TMEM38A: variants seen among roughly 807,000 people sequenced by gnomAD.
TMEM38A encodes transmembrane protein 38A.
TMEM38A carries 17 observed loss-of-function variants against 28.6 expected under a neutral mutation model. The observed-to-expected ratio is 0.60, with a 90% CI of 0.41 to 0.89. TMEM38A has a LOEUF of 0.89. TMEM38A is among the 40% of genes least tolerant of loss of function. The pLI, the probability that TMEM38A is intolerant of heterozygous loss-of-function variation, is 0.00. For synonymous variants in TMEM38A, 169 were observed against 166.1 expected, an observed-to-expected ratio of 1.02 and a Z score of -0.14; for missense variants, 328 against 393.1, an observed-to-expected ratio of 0.83 and a Z score of 1.40.
At chr19:16,667,547 A>G (rs1300897181) in intron 1 of TMEM38A, among the ~76,000 whole-genome samples, 1 of 152,022 alleles carries the variant, frequency 6.6e-6, no homozygotes, top group Non-Finnish European at 1.5e-5. Flanking sequence ...CACCAGACTC[A>G]CCTAGGGAGA....
intron 5 of TMEM38A, among the ~76,000 whole-genome samples, 157 bp from the exon 6 acceptor site, chr19:16,687,987 G>A (rs551848953): frequency 1.3e-5 from 2 of 152,206 alleles, no homozygotes; most frequent in African/African-American, 4.8e-5. Flanking sequence ...ATCATCCTGG[G>A]GGTGCATGCA....
At position 16,661,257 on chromosome 19, in the gene TMEM38A, C is replaced by A. The variant is rs1346790473; in HGVS notation, c.40C>A (p.Leu14Ile). The change falls in exon 1 of 6, where the codon CTC becomes ATC. Residue 14 changes from leucine to isoleucine, a missense_variant. By Grantham distance (5) the Leu-to-Ile change is conservative (BLOSUM62 2). Transcript: ENST00000187762. The surrounding 1 kb of genome is among the most constrained non-coding windows in gnomAD (Gnocchi z 6.5). ...LSALSLGELA[L>I]SFSRVPLFPV... Reference sequence around the variant, plus strand: ...GGCGCTGAGCCTGGGCGAACTGGCGCTCAGCTTCTCGCGGGTGCCGCTCTT... The same window carrying A: ...GGCGCTGAGCCTGGGCGAACTGGCGATCAGCTTCTCGCGGGTGCCGCTCTT... 1 of 1,595,174 alleles carries A rather than the reference C, an allele frequency of 6.3e-7. No homozygotes were observed. Among genetic ancestry groups the A allele is most frequent in the East Asian group, 2.4e-5 (1 of 42,212 alleles).
intron 1 of TMEM38A, among the ~76,000 whole-genome samples, chr19:16,667,279 GA>G (rs11436221): frequency 1.6e-4 from 23 of 145,660 alleles, no homozygotes; most frequent in East Asian, 2.0e-4. Context: ...TCCATTTCAG[GA>G]AAAAAAAAAA....
At chr19:16,666,763 G>A (rs2086704662) in intron 1 of TMEM38A, among the ~76,000 whole-genome samples, 1 of 152,096 alleles carries the variant, frequency 6.6e-6, no homozygotes, top group African/African-American at 2.4e-5. Context: ...GATCAGCCAG[G>A]CCAACATGGT....
intron 1 of TMEM38A, among the ~76,000 whole-genome samples, chr19:16,665,371 C>A (rs2086698548): frequency 6.6e-6 from 1 of 151,928 alleles, no homozygotes; most frequent in Non-Finnish European, 1.5e-5. Flanking sequence ...TGCCTGTAGT[C>A]CTAGCTACTA....
Position 16,688,335 on chromosome 19 carries a change from G to C in TMEM38A, c.864G>C (p.Glu288Asp). 3 of 1,605,018 alleles carry C rather than the reference G, an allele frequency of 1.9e-6. No homozygotes were observed. The change falls in exon 6 of 6, where the codon GAG (glutamate) becomes GAC (aspartate). Residue 288 changes from glutamate (E) to aspartate (D), a missense_variant. Coordinates refer to ENST00000187762, the MANE Select transcript of TMEM38A (RefSeq NM_024074.4). ...CCAAGTCCAAGGAGGAGTTGAGCGAGGGCTCCAGGAAGAAGAAGGCCAAGA... is the reference window on the plus strand; with the variant it reads ...CCAAGTCCAAGGAGGAGTTGAGCGACGGCTCCAGGAAGAAGAAGGCCAAGA... ...MPAKSKEELSEGSRKKKAKKA... is the reference protein window; with the variant it reads ...MPAKSKEELSDGSRKKKAKKA...
At chr19:16,666,253 A>G (rs756278086) in intron 1 of TMEM38A, among the ~76,000 whole-genome samples, 6 of 152,000 alleles carry the variant, frequency 3.9e-5, no homozygotes, top group Non-Finnish European at 5.9e-5. Flanking sequence ...TGCTGGGATT[A>G]CAGACATCAG....
At chr19:16,680,635 G>A in intron 3 of TMEM38A, 54 bp downstream of exon 3, 1 of 1,578,786 alleles carries the variant, frequency 6.3e-7, no homozygotes. Flanking sequence ...TTTTGGTTCA[G>A]TGGTACTACC....
intron 1 of TMEM38A, among the ~76,000 whole-genome samples, chr19:16,670,123 C>T (rs1251213139): frequency 1.3e-5 from 2 of 151,430 alleles, no homozygotes; most frequent in African/African-American, 4.9e-5. Flanking sequence ...GTGCCTGTCA[C>T]CACGCCCAGC....
chr19:16,686,785 G>A (rs1326078855), intron 5 of TMEM38A, among the ~76,000 whole-genome samples: 1 of 152,138 alleles, frequency 6.6e-6, no homozygotes, highest in Non-Finnish European at 1.5e-5. Context: ...CCCCACCCAG[G>A]AGGGGTCTTC....
chr19:16,672,594 G>A (rs1432055808), intron 1 of TMEM38A, among the ~76,000 whole-genome samples: 2 of 150,724 alleles, frequency 1.3e-5, no homozygotes, highest in Non-Finnish European at 2.9e-5. Context: ...GATTACAGGC[G>A]CATGCCACCA....
At chr19:16,669,610 G>A (rs2086717904) in intron 1 of TMEM38A, among the ~76,000 whole-genome samples, 1 of 152,146 alleles carries the variant, frequency 6.6e-6, no homozygotes, top group Non-Finnish European at 1.5e-5. Flanking sequence ...AGGGCAGGAG[G>A]CTGTTGACTC....
At position 16,670,530 on chromosome 19, in the gene TMEM38A, C is replaced by T. The variant is rs545583606; in HGVS notation, c.124+9189C>T. Among the ~76,000 whole-genome samples, 125 of 152,286 alleles carry T rather than the reference C, an allele frequency of 8.2e-4. 1 individual carries two copies. The highest frequency in any genetic ancestry group is 7.3e-3 in the South Asian group (35 of 4,826). On this transcript the variant is annotated intron_variant, in intron 1 of 5. Coordinates refer to ENST00000187762, the MANE Select transcript of TMEM38A (RefSeq NM_024074.4). ...CGCACTGTTCCAGAAATACCTCTTG[C>T]GTCGTTGCTAGGCGCTAAGCAATCT...
rs202087879 is a variant in TMEM38A, at chr19:16,680,015, C to T, written c.156C>T (p.Ile52=). 1.4e-4 allele frequency: 219 copies of T among 1,609,470 alleles called. No homozygotes were observed. Among genetic ancestry groups the T allele is most frequent in the Non-Finnish European group, 1.8e-4 (208 of 1,179,928 alleles). ...TCGAACTGTCCCGGCGCCACCCCATCGCGTCCTGGCTGTGCGCCATGCTGC... is the reference window on the plus strand; with the variant it reads ...TCGAACTGTCCCGGCGCCACCCCATTGCGTCCTGGCTGTGCGCCATGCTGC... ...GAVELSRRHP[I]ASWLCAMLHC... Residue 52 remains isoleucine (I), a synonymous_variant, in exon 2 of 6, where the codon ATC becomes ATT. Transcript: ENST00000187762.
intron 1 of TMEM38A, among the ~76,000 whole-genome samples, chr19:16,668,721 C>T (rs1005854279): frequency 6.6e-6 from 1 of 151,980 alleles, no homozygotes; most frequent in African/African-American, 2.4e-5. Context: ...CAGTATGTAC[C>T]CCTTTCAGAC....
At chr19:16,671,082 AC>A (rs1288979150) in intron 1 of TMEM38A, among the ~76,000 whole-genome samples, 11 of 151,894 alleles carry the variant, frequency 7.2e-5, no homozygotes, top group African/African-American at 2.7e-4. Flanking sequence ...GCCTAAGCTC[AC>A]CCAGTCAGAG....
chr19:16,672,139 G>A (rs1302786984), intron 1 of TMEM38A, among the ~76,000 whole-genome samples: 2 of 152,148 alleles, frequency 1.3e-5, no homozygotes, highest in African/African-American at 4.8e-5. Flanking sequence ...ACTCCAGGGT[G>A]AGGTTAGAGG....
At chr19:16,672,675 C>A (rs1044122800) in intron 1 of TMEM38A, among the ~76,000 whole-genome samples, 2 of 152,010 alleles carry the variant, frequency 1.3e-5, no homozygotes, top group Admixed American at 1.3e-4. Context: ...GTCTCGAACT[C>A]CTGACCTCAA....
In TMEM38A at chr19:16,681,004, C is replaced by T. The variant is rs117559365; in HGVS notation, c.466+423C>T. On this transcript the variant is annotated intron_variant, in intron 3 of 5. Transcript: ENST00000187762. ...GAAATTGTCTCCAGACATTGCTAAA[C>T]GCCTCCTAGAGGGCAAAATGGCTGC... 6.3e-3 allele frequency: 1,105 copies of T among 175,042 alleles called. 6 individuals are homozygous for T. The highest frequency in any genetic ancestry group is 0.014 in the Middle Eastern group (5 of 358). 10.8% of individuals were successfully genotyped at this position (175,042 alleles called of 1,614,324 possible).
Sources: allele counts gnomAD v4.1 joint callset (sites outside exome capture counted in the v4.1 genomes callset), GRCh38; gene constraint gnomAD v4.1.1; non-coding constraint Gnocchi (gnomAD v3.1); transcripts MANE v1.5; gene names NCBI Gene and HGNC (gene_info 2026-07-23, HGNC 2026-07-21).